ARHGEF28: variants seen among roughly 807,000 people sequenced by gnomAD.
ARHGEF28 encodes the protein 190 kDa guanine nucleotide exchange factor.
ARHGEF28 carries 152 observed loss-of-function variants against 206.6 expected under a neutral mutation model. The ratio of observed to expected loss-of-function variants is 0.74; its 90% CI spans 0.64 to 0.84. The LOEUF is 0.84. Among genes scored for constraint, ARHGEF28 ranks in the 40% least tolerant of loss-of-function variants. ARHGEF28 has a pLI of 0.00. For missense variants in ARHGEF28, 2,028 were observed against 2,073.2 expected (o/e 0.98, Z 0.42); for synonymous variants, 763 against 776.4 (o/e 0.98, Z 0.29).
intron 1 of ARHGEF28, among the ~76,000 whole-genome samples, chr5:73,666,804 A>AAT (rs1235461554): frequency 6.6e-6 from 1 of 152,198 alleles, no homozygotes; most frequent in African/African-American, 2.4e-5. Flanking sequence ...GAGGTGGCTG[A>AAT]ATATATATAT....
At chr5:73,831,241 A>T (rs1380559338) in intron 9 of ARHGEF28, among the ~76,000 whole-genome samples, 1 of 152,228 alleles carries the variant, frequency 6.6e-6, no homozygotes, top group Non-Finnish European at 1.5e-5. Context: ...AAAGCATAAT[A>T]GTAATCTGCT....
chr5:73,869,404 C>T (rs2112636144), intron 20 of ARHGEF28, among the ~76,000 whole-genome samples: 1 of 152,152 alleles, frequency 6.6e-6, no homozygotes, highest in South Asian at 2.1e-4. Context: ...TAACGCGGGG[C>T]AGAAGAAATT....
chr5:73,807,164 C>T (rs552064644), intron 9 of ARHGEF28, among the ~76,000 whole-genome samples: 1 of 151,662 alleles, frequency 6.6e-6, no homozygotes, highest in Non-Finnish European at 1.5e-5. Flanking sequence ...CCAGGAACTT[C>T]CCTATCCCTG....
At chr5:73,814,841 G>C (rs1328654482) in intron 9 of ARHGEF28, among the ~76,000 whole-genome samples, 1 of 152,068 alleles carries the variant, frequency 6.6e-6, no homozygotes, top group East Asian at 1.9e-4. Flanking sequence ...CTTTAGCTTA[G>C]ATCAAGGCCA....
At chr5:73,657,234 G>A (rs1478384185) in intron 1 of ARHGEF28, among the ~76,000 whole-genome samples, 1 of 148,488 alleles carries the variant, frequency 6.7e-6, no homozygotes, top group Non-Finnish European at 1.5e-5. Context: ...ATATTTCTTA[G>A]CATCTCTTTC....
At position 73,845,184 on chromosome 5, in the gene ARHGEF28, A is replaced by AT. The variant is rs555536965; in HGVS notation, c.1428-1078dup. On this transcript the variant is annotated intron_variant, in intron 11 of 35. Transcript: ENST00000513042. ...AGGTGCCTGCCACAACAGCCGGCTAATTTTTTGTATTTTTAGTAGAGATGT... is the reference window on the plus strand; with the variant it reads ...AGGTGCCTGCCACAACAGCCGGCTAATTTTTTTGTATTTTTAGTAGAGATGT... Among the ~76,000 whole-genome samples the AT allele has an allele frequency of 4.1e-3, 629 of 151,916 alleles. 4 individuals are homozygous for AT. The highest frequency in any genetic ancestry group is 4.5e-3 in the Non-Finnish European group (303 of 67,942).
At chr5:73,845,819 A>G (rs970312505) in intron 11 of ARHGEF28, among the ~76,000 whole-genome samples, 1 of 151,744 alleles carries the variant, frequency 6.6e-6, no homozygotes, top group African/African-American at 2.4e-5. Context: ...ACATGGCAAA[A>G]AACACAAAAA....
intron 9 of ARHGEF28, among the ~76,000 whole-genome samples, chr5:73,815,593 T>C (rs961798192): frequency 5.9e-5 from 9 of 152,228 alleles, no homozygotes; most frequent in South Asian, 2.1e-4. Context: ...CTTTATTTAG[T>C]TTTGTATTTA....
At chr5:73,801,297 A>G (rs890358401) in intron 9 of ARHGEF28, among the ~76,000 whole-genome samples, 11 of 151,994 alleles carry the variant, frequency 7.2e-5, no homozygotes, top group African/African-American at 1.9e-4. Context: ...CTACAAAAAA[A>G]TTAGCCAGGC....
At chr5:73,809,930 A>T (rs750404280) in intron 9 of ARHGEF28, among the ~76,000 whole-genome samples, 1 of 152,248 alleles carries the variant, frequency 6.6e-6, no homozygotes, top group Non-Finnish European at 1.5e-5. Context: ...ACAATCAGCC[A>T]GTAACAGTCA....
chr5:73,635,013 T>G (rs1743606205), intron 1 of ARHGEF28, among the ~76,000 whole-genome samples: 1 of 152,200 alleles, frequency 6.6e-6, no homozygotes, highest in Non-Finnish European at 1.5e-5. Flanking sequence ...TCCCTCATGT[T>G]TGTTCTTGCA....
rs11310024 is a variant in ARHGEF28 at position 73,795,612 on chromosome 5, CT to C, written c.1024+225del. 0.12 allele frequency: 56,669 copies of C among 473,348 alleles called. 7,914 individuals carry two copies. The highest frequency in any genetic ancestry group is 0.48 in the African/African-American group (24,079 of 50,384). 29.3% of individuals were successfully genotyped at this position (473,348 alleles called of 1,614,324 possible). A position where few individuals can be genotyped will look rare whatever the true frequency, so the allele number is the denominator to read the frequency against. On this transcript the variant is annotated intron_variant, in intron 9 of 35. Coordinates refer to ENST00000513042, the MANE Select transcript of ARHGEF28 (RefSeq NM_001177693.2). ...AATCTAAAAAACAAGGCAATCAAAG[CT>C]TTTCCTGAACAGTTTTACTCTGAGC... is the stretch of plus-strand genomic sequence containing the variant.
chr5:73,812,704 A>G (rs1444539225), intron 9 of ARHGEF28, among the ~76,000 whole-genome samples: 1 of 152,148 alleles, frequency 6.6e-6, no homozygotes, highest in African/African-American at 2.4e-5. Flanking sequence ...GGTTTGTGGT[A>G]AATTAGTCAC....
intron 16 of ARHGEF28, among the ~76,000 whole-genome samples, chr5:73,859,392 A>G (rs184549099): frequency 8.1e-4 from 123 of 152,326 alleles, no homozygotes; most frequent in African/African-American, 2.9e-3. Flanking sequence ...ACAGAGGAGC[A>G]GGGGAAGTTT....
chr5:73,712,840 A>G (rs1161970706), intron 2 of ARHGEF28, among the ~76,000 whole-genome samples: 1 of 152,160 alleles, frequency 6.6e-6, no homozygotes, highest in Admixed American at 6.5e-5. Context: ...TTGGAGGAAA[A>G]ATGGAAGGAA....
intron 2 of ARHGEF28, among the ~76,000 whole-genome samples, chr5:73,728,789 C>T (rs1750434224): frequency 6.6e-6 from 1 of 152,132 alleles, no homozygotes; most frequent in African/African-American, 2.4e-5. Flanking sequence ...CTGCTCTTTC[C>T]AACATATATC....
chr5:73,830,841 G>T (rs116774047), intron 9 of ARHGEF28, among the ~76,000 whole-genome samples: 1,741 of 152,150 alleles, frequency 0.011, 8 homozygotes, highest in Non-Finnish European at 0.019. Flanking sequence ...ACCCCCATGG[G>T]CTTATCAGGT....
At chr5:73,918,288 A>G (rs1763324384) in intron 35 of ARHGEF28, among the ~76,000 whole-genome samples, 1 of 152,214 alleles carries the variant, frequency 6.6e-6, no homozygotes, top group Non-Finnish European at 1.5e-5. Flanking sequence ...GCCATAGACA[A>G]TATGTAAATA....
chr5:73,629,560 T>G (rs1743233224), intron 1 of ARHGEF28, among the ~76,000 whole-genome samples: 1 of 151,892 alleles, frequency 6.6e-6, no homozygotes, highest in South Asian at 2.1e-4. Context: ...TCATGTAACT[T>G]ATTTTTTTAA....
Sources: gnomAD v4.1 joint callset for allele counts (sites outside exome capture counted in the v4.1 genomes callset) on GRCh38, gnomAD v4.1.1 for gene constraint, MANE v1.5 for transcripts, NCBI Gene and HGNC (gene_info 2026-07-23, HGNC 2026-07-21) for gene names.